SACS: variants seen among roughly 807,000 people sequenced by gnomAD.
SACS encodes sacsin molecular chaperone.
In SACS, 197 loss-of-function variants were observed where a neutral mutation model predicts 348.0. That is an observed-to-expected ratio of 0.57 (90% CI 0.50 to 0.64). The LOEUF (loss-of-function observed/expected upper bound fraction) is 0.64. Ranked by LOEUF, SACS falls within the 30% of genes least tolerant of loss-of-function variation. SACS has a pLI of 0.00. For missense variants in SACS, 4,999 were observed against 5,360.8 expected, an observed-to-expected ratio of 0.93 and a Z score of 2.11; for synonymous variants, 1,985 against 1,910.6, an observed-to-expected ratio of 1.04 and a Z score of -1.02.
chr13:23,329,921 T>A lies in SACS; in HGVS notation c.*215A>T, dbSNP rs1489892900. On this transcript the variant is annotated 3_prime_UTR_variant, in exon 10 of 10. Coordinates refer to ENST00000382292, the MANE Select transcript of SACS (RefSeq NM_014363.6). ...AATCATTCAAATCCATCCAGCTATT[T>A]TGCAGCTCACCACCATCTTCAAAAT... is the stretch of plus-strand genomic sequence containing the variant. 3 of 575,836 alleles carry A rather than the reference T, an allele frequency of 5.2e-6. No homozygotes were observed. In the African/African-American group the frequency reaches 5.6e-5, roughly 11 times the overall value. 35.7% of individuals were successfully genotyped at this position (575,836 alleles called of 1,614,324 possible).
chr13:23,409,040 C>CTTTTTATTTTTTTTTTT (rs1873360026), intron 2 of SACS, among the ~76,000 whole-genome samples: 1 of 35,122 alleles, frequency 2.8e-5, no homozygotes, highest in Non-Finnish European at 4.9e-5. Context: ...ACAAGTTTTA[C>CTTTTTATTTTTTTTTTT]TTTTTTTTTT....
intron 2 of SACS, among the ~76,000 whole-genome samples, chr13:23,377,858 G>T (rs1416105770): frequency 6.6e-6 from 1 of 152,180 alleles, no homozygotes; most frequent in Non-Finnish European, 1.5e-5. Flanking sequence ...CAACATCCCT[G>T]CCTGGCACAG....
chr13:23,331,279 T>C lies in SACS; in HGVS notation c.12597A>G (p.Pro4199=), dbSNP rs112630127. 7.4e-4 allele frequency: 1,190 copies of C among 1,614,058 alleles called. 6 individuals carry two copies. The African/African-American group carries it at 0.015, about 20-fold the overall frequency. Residue 4199 remains proline (P), a synonymous_variant, in exon 10 of 10, where the codon CCA becomes CCG. Transcript: ENST00000382292. Reference sequence around the variant, plus strand: ...GTACAATAATTGCATATGTGTATGTTGGCTGGTATGATCCATAGATATCAC... The same window carrying C: ...GTACAATAATTGCATATGTGTATGTCGGCTGGTATGATCCATAGATATCAC... ...EGGDIYGSYQ[P]TYTYAIIVQE...
intron 8 of SACS, 141 bp downstream of exon 8, chr13:23,354,378 A>G (rs551549978): frequency 7.2e-6 from 5 of 698,930 alleles, no homozygotes; most frequent in Non-Finnish European, 1.2e-5. Context: ...TTGGTATTTT[A>G]ACAATGTATT....
chr13:23,425,229 A>G (rs1206205783), intron 1 of SACS, among the ~76,000 whole-genome samples: 1 of 151,292 alleles, frequency 6.6e-6, no homozygotes, highest in Non-Finnish European at 1.5e-5. Context: ...CTTGGGGCCT[A>G]TGTGTCCACC....
chr13:23,337,992 C>G lies in SACS; in HGVS notation c.5884G>C (p.Gly1962Arg), dbSNP rs757708333. 1 of 1,613,894 alleles carries G rather than the reference C, an allele frequency of 6.2e-7. No homozygotes were observed. The change falls in exon 10 of 10, where the codon GGA (glycine) becomes CGA (arginine). Residue 1962 changes from glycine (G) to arginine (R), a missense_variant. Physicochemically the swap from Gly to Arg is moderately radical, Grantham distance 125. Coordinates refer to ENST00000382292, the MANE Select transcript of SACS (RefSeq NM_014363.6). ...CCATGAGCTATATCTTCATAAAATC[C>G]TTGGCAAATTACAGAAAAATCATCA... ...VHDDFSVICQ[G>R]FYEDIAHGKG...
intron 4 of SACS, among the ~76,000 whole-genome samples, chr13:23,368,900 C>CG (rs1215849000): frequency 3.3e-5 from 5 of 151,994 alleles, no homozygotes. Context: ...GGGGTTTCAC[C>CG]ATGTTAGCCA....
chr13:23,395,975 T>G (rs753086109), intron 2 of SACS, among the ~76,000 whole-genome samples: 8 of 152,204 alleles, frequency 5.3e-5, no homozygotes, highest in African/African-American at 1.4e-4. Flanking sequence ...CAAGTTAACT[T>G]ATAAAATCCC....
intron 9 of SACS, among the ~76,000 whole-genome samples, chr13:23,353,416 TCTC>T (rs766642961): frequency 2.6e-5 from 4 of 152,130 alleles, no homozygotes; most frequent in Admixed American, 6.5e-5. Flanking sequence ...AACCTTTCTC[TCTC>T]CTCTTCTGTG....
At position 23,374,446 on chromosome 13, in the gene SACS, G is replaced by C. The variant is rs1871613505; in HGVS notation, c.171+673C>G. Reference sequence around the variant, plus strand: ...GACTCTTTTAAATGCTGGAAATGATGTTATCACATGAAGATGTTTATTAGA... The same window carrying C: ...GACTCTTTTAAATGCTGGAAATGATCTTATCACATGAAGATGTTTATTAGA... On this transcript the variant is annotated intron_variant, in intron 3 of 9. Coordinates refer to ENST00000382292, the MANE Select transcript of SACS (RefSeq NM_014363.6). 2.6e-5 allele frequency among the ~76,000 whole-genome samples: 4 copies of C among 152,282 alleles called. No homozygotes were observed. The South Asian group carries it at 8.3e-4, about 32-fold the overall frequency.
Position 23,333,593 on chromosome 13 carries a change from GTT to G in SACS, c.10281_10282del (p.Thr3428MetfsTer12). The stretch of plus-strand genomic sequence containing the variant: ...GATACTTTTTGTAAGTACGTAGCAT[GTT>G]CCAAATTTTCCAATGCTTACATAGC... On this transcript the variant is annotated frameshift_variant, in exon 10 of 10. Transcript: ENST00000382292. LOFTEE classifies it high-confidence loss of function. 6.2e-7 allele frequency: 1 copy of G among 1,613,692 alleles called. No homozygotes were observed. The highest frequency in any genetic ancestry group is 1.1e-5 in the South Asian group (1 of 91,074).
chr13:23,402,609 A>T (rs1014789444), intron 2 of SACS, among the ~76,000 whole-genome samples: 1 of 152,228 alleles, frequency 6.6e-6, no homozygotes, highest in Non-Finnish European at 1.5e-5. Flanking sequence ...GTCATATTTG[A>T]GAATGATATG....
intron 2 of SACS, among the ~76,000 whole-genome samples, chr13:23,407,355 C>T (rs551163420): frequency 1.2e-3 from 176 of 152,248 alleles, no homozygotes; most frequent in Admixed American, 1.4e-3. Flanking sequence ...CCTGCCACCA[C>T]GCCCGGCTAA....
chr13:23,332,941 C>T lies in SACS; in HGVS notation c.10935G>A (p.Leu3645=). Residue 3645 remains leucine (L), a synonymous_variant, in exon 10 of 10, where the codon CTG becomes CTA. Transcript: ENST00000382292. ...ERMDLLSGNF[L]KELSLIPFLC... ...AGAATGGTATTAAAGATAGTTCTTT[C>T]AGAAAATTTCCAGATAACAAATCCA... is the stretch of plus-strand genomic sequence containing the variant. The T allele has an allele frequency of 6.2e-7, 1 of 1,613,894 alleles. No individual in the cohort carries two copies. The highest frequency in any genetic ancestry group is 1.7e-5 in the Admixed American group (1 of 59,980).
At chr13:23,429,652 C>T (rs993038069) in intron 1 of SACS, among the ~76,000 whole-genome samples, 6 of 151,674 alleles carry the variant, frequency 4.0e-5, no homozygotes, top group Non-Finnish European at 7.4e-5. Context: ...CGTGAGCCAC[C>T]GTGCCAGGCC....
intron 1 of SACS, among the ~76,000 whole-genome samples, chr13:23,432,994 T>G (rs552639580): frequency 1.3e-5 from 2 of 152,348 alleles, no homozygotes; most frequent in East Asian, 3.9e-4. Flanking sequence ...TGGAATACTC[T>G]TTCAAAGAAT....
At chr13:23,346,215 A>T (rs1397090754) in intron 9 of SACS, among the ~76,000 whole-genome samples, 2 of 152,172 alleles carry the variant, frequency 1.3e-5, no homozygotes, top group African/African-American at 2.4e-5. Flanking sequence ...GCGCGGTCTC[A>T]GTTCACTGCA....
chr13:23,373,285 C>T (rs1168748429), intron 3 of SACS: 1 of 152,328 alleles, frequency 6.6e-6, no homozygotes, highest in African/African-American at 2.4e-5. Context: ...CAACTGCCAC[C>T]AAGAGGTCCA....
intron 9 of SACS, among the ~76,000 whole-genome samples, chr13:23,344,623 A>G (rs1333545826): frequency 6.6e-6 from 1 of 152,258 alleles, no homozygotes; most frequent in Non-Finnish European, 1.5e-5. Context: ...AGAAAGCCAT[A>G]GAAATTGTAA....
Sources: allele counts gnomAD v4.1 joint callset (sites outside exome capture counted in the v4.1 genomes callset), GRCh38; gene constraint gnomAD v4.1.1; transcripts MANE v1.5; gene names NCBI Gene and HGNC (gene_info 2026-07-23, HGNC 2026-07-21).